The following PNPLA4 variants were observed in gnomAD, a reference collection of about 807,000 sequenced individuals.
The protein encoded by PNPLA4 is patatin like domain 4, phospholipase and triacylglycerol lipase.
In PNPLA4, 15 loss-of-function variants were observed where a neutral mutation model predicts 18.3. That is an observed-to-expected ratio of 0.82 (90% CI 0.55 to 1.26). PNPLA4 has a LOEUF of 1.26. PNPLA4 is among the 50% of genes most tolerant of loss of function. PNPLA4 has a pLI of 0.00. For missense variants in PNPLA4, 229 were observed against 196.8 expected (o/e 1.16, Z -0.98); for synonymous variants, 88 against 85.6 (o/e 1.03, Z -0.16).
In PNPLA4 at chrX:7,900,641, A is replaced by T; in HGVS notation, c.*45T>A. ...AAGGATTTGATTAGAAACTTCCATC[A>T]AAAACTATCTAAAACGTGTTTTGCA... On this transcript the variant is annotated 3_prime_UTR_variant, in exon 7 of 7. Transcript: ENST00000381042. 1.0e-6 allele frequency: 1 copy of T among 954,991 alleles called. No individual in the cohort carries two copies. The highest frequency in any genetic ancestry group is 3.1e-5 in the Admixed American group (1 of 31,995). The allele number at this position is 954,991 out of a possible 1,213,427, so 78.7% of individuals were successfully genotyped here.
chrX:7,921,446 T>G (rs1924210885), intron 4 of PNPLA4, among the ~76,000 whole-genome samples: 1 of 111,976 alleles, frequency 8.9e-6, no homozygotes, highest in Admixed American at 9.5e-5. Flanking sequence ...GCGACTTGCT[T>G]CACATAATCA....
intron 5 of PNPLA4, among the ~76,000 whole-genome samples, chrX:7,906,749 T>C (rs1923717246): frequency 1.8e-5 from 2 of 111,984 alleles, no homozygotes; most frequent in Non-Finnish European, 3.8e-5. Flanking sequence ...AATAGAAGCC[T>C]AAGGACCACA....
chrX:7,906,244 C>T (rs1923701663), intron 5 of PNPLA4, among the ~76,000 whole-genome samples: 1 of 111,839 alleles, frequency 8.9e-6, no homozygotes, highest in African/African-American at 3.3e-5. Context: ...AAGAGATATC[C>T]ACTTCCTTAG....
At chrX:7,911,474 C>T in intron 5 of PNPLA4, among the ~76,000 whole-genome samples, 1 of 110,724 alleles carries the variant, frequency 9.0e-6, no homozygotes, top group South Asian at 3.9e-4. Flanking sequence ...TCTAAATTTC[C>T]CTAAAAGAAC....
chrX:7,919,438 T>C (rs1219708620), intron 4 of PNPLA4, among the ~76,000 whole-genome samples: 2 of 112,218 alleles, frequency 1.8e-5, no homozygotes. Context: ...CCCCTTTTCT[T>C]TGCTGGCTGT....
In PNPLA4 at chrX:7,912,100, G is replaced by T; in HGVS notation, c.412-7C>A. ...AACTGCTGGCTAGGAGGACCTAGAT[G>T]GATAAAATAAAGAAGCAGCTCATGA... is the stretch of plus-strand genomic sequence containing the variant. On this transcript the variant is annotated splice_region_variant and splice_polypyrimidine_tract_variant and intron_variant, in intron 4 of 6. Transcript: ENST00000381042. 1 of 1,180,515 alleles carries T rather than the reference G, an allele frequency of 8.5e-7. No homozygotes were observed. The highest frequency in any genetic ancestry group is 1.8e-5 in the South Asian group (1 of 56,074).
At chrX:7,921,680 G>T (rs1924221121) in intron 4 of PNPLA4, 33 bp downstream of exon 4, 2 of 1,176,664 alleles carry the variant, frequency 1.7e-6, no homozygotes, top group East Asian at 5.9e-5. Flanking sequence ...AGCACTTGCT[G>T]ATTTCTTCAA....
intron 1 of PNPLA4, among the ~76,000 whole-genome samples, chrX:7,926,961 A>G (rs1924436437): frequency 8.9e-6 from 1 of 112,540 alleles, no homozygotes; most frequent in Admixed American, 9.3e-5. Context: ...GAGGCACATT[A>G]CAGGGCCTCG....
intron 5 of PNPLA4, among the ~76,000 whole-genome samples, chrX:7,909,383 C>A (rs1354800786): frequency 9.0e-6 from 1 of 110,563 alleles, no homozygotes; most frequent in Non-Finnish European, 1.9e-5. Flanking sequence ...CACGGTGAAA[C>A]CCCATCTCTA....
intron 5 of PNPLA4, among the ~76,000 whole-genome samples, chrX:7,902,406 C>T (rs1346677685): frequency 1.8e-5 from 2 of 111,735 alleles, no homozygotes; most frequent in Non-Finnish European, 3.8e-5. Context: ...GCTTAAGAAG[C>T]CATGTGTAAT....
chrX:7,915,080 C>T (rs1923996628), intron 4 of PNPLA4, among the ~76,000 whole-genome samples: 1 of 111,248 alleles, frequency 9.0e-6, no homozygotes, highest in South Asian at 3.8e-4. Flanking sequence ...TTATTGCAGG[C>T]AAATAGAATT....
Position 7,925,992 on chromosome X carries a change from G to C in PNPLA4, c.128C>G (p.Ser43Cys). 1 of 1,211,780 alleles carries C rather than the reference G, an allele frequency of 8.3e-7. No homozygotes were observed. The highest frequency in any genetic ancestry group is 1.1e-6 in the Non-Finnish European group (1 of 895,367). Residue 43 changes from serine (S) to cysteine (C), a missense_variant, in exon 2 of 7, where the codon TCT (serine) becomes TGT (cysteine). Coordinates refer to ENST00000381042, the MANE Select transcript of PNPLA4 (RefSeq NM_004650.3). ...VKDVKAFAGA[S>C]AGSLVASVLL... Reference sequence around the variant, plus strand: ...AACAGAAGCAACCAACGATCCCGCAGACGCCCCAGCGAAGGCTTTGACATC... The same window carrying C: ...AACAGAAGCAACCAACGATCCCGCACACGCCCCAGCGAAGGCTTTGACATC...
chrX:7,926,672 C>T (rs1407382500), intron 1 of PNPLA4, among the ~76,000 whole-genome samples: 2 of 112,048 alleles, frequency 1.8e-5, no homozygotes, highest in Admixed American at 9.4e-5. Flanking sequence ...TACTCAGTAA[C>T]GCAATAAGCA....
intron 5 of PNPLA4, among the ~76,000 whole-genome samples, chrX:7,905,077 T>C (rs764475134): frequency 8.9e-6 from 1 of 112,464 alleles, no homozygotes; most frequent in South Asian, 3.7e-4. Context: ...TTCAAGTCAA[T>C]GCCTGAGTCC....
chrX:7,927,241 C>T (rs1351299267), intron 1 of PNPLA4, 45 bp downstream of exon 1: 2 of 113,673 alleles, frequency 1.8e-5, no homozygotes, highest in Non-Finnish European at 3.7e-5. Context: ...GTCCCCGCAT[C>T]AGTCCCGCAG....
intron 5 of PNPLA4, among the ~76,000 whole-genome samples, chrX:7,910,560 A>G (rs1295349042): frequency 1.8e-5 from 2 of 110,492 alleles, no homozygotes; most frequent in Non-Finnish European, 3.8e-5. Flanking sequence ...CTAAATAGAT[A>G]CTTTATTAGA....
rs1412727533 is a variant in PNPLA4, at chrX:7,922,092, T to C, written c.187A>G (p.Asn63Asp). ...LTAPEKIEEC[N>D]QFTYKFAEEI... ...TCGGCAAACTTGTAGGTAAATTGGT[T>C]ACATTCCTAAAAAAAGAAAATTAAG... The change falls in exon 3 of 7, where the codon AAC (asparagine) becomes GAC (aspartate). Residue 63 changes from asparagine (N) to aspartate (D), a missense_variant. Physicochemically the swap from Asn to Asp is conservative, Grantham distance 23. Transcript: ENST00000381042. 5.1e-6 allele frequency: 6 copies of C among 1,184,089 alleles called. No individual in the cohort carries two copies. The highest frequency in any genetic ancestry group is 4.6e-6 in the Non-Finnish European group (4 of 873,187).
At chrX:7,925,794 A>G in intron 2 of PNPLA4, 146 bp downstream of exon 2, 1 of 459,683 alleles carries the variant, frequency 2.2e-6, no homozygotes, top group Non-Finnish European at 3.6e-6. Flanking sequence ...TAATAATTAC[A>G]TCTTAAGAGA....
chrX:7,904,612 C>T (rs1445333666), intron 5 of PNPLA4, among the ~76,000 whole-genome samples: 2 of 112,406 alleles, frequency 1.8e-5, no homozygotes, highest in Non-Finnish European at 3.8e-5. Flanking sequence ...ACCGTCACAA[C>T]AACAAATATT....
Sources: gnomAD v4.1 joint callset for allele counts (sites outside exome capture counted in the v4.1 genomes callset) on GRCh38, gnomAD v4.1.1 for gene constraint, MANE v1.5 for transcripts, NCBI Gene and HGNC (gene_info 2026-07-23, HGNC 2026-07-21) for gene names.